KIZ: variants seen among roughly 807,000 people sequenced by gnomAD.
KIZ encodes centrosomal protein kizuna.
In KIZ, 68 loss-of-function variants were observed where a neutral mutation model predicts 79.6. That is an observed-to-expected ratio of 0.85 (90% CI 0.70 to 1.05). The LOEUF (loss-of-function observed/expected upper bound fraction) is 1.05. Among genes scored for constraint, KIZ ranks in the 50% least tolerant of loss-of-function variants. KIZ has a pLI of 0.00. For missense variants in KIZ, 797 were observed against 800.4 expected (o/e 1.00, Z 0.05); for synonymous variants, 280 against 281.8 (o/e 0.99, Z 0.06).
intron 6 of KIZ, among the ~76,000 whole-genome samples, chr20:21,165,673 A>T (rs569344448): frequency 2.0e-5 from 3 of 152,312 alleles, no homozygotes; most frequent in South Asian, 2.1e-4. Flanking sequence ...AGTGGGCAGG[A>T]CTGGGAGTCT....
chr20:21,191,877 C>T (rs1287190290), intron 6 of KIZ, among the ~76,000 whole-genome samples: 1 of 151,496 alleles, frequency 6.6e-6, no homozygotes. Flanking sequence ...CCAAACTCTA[C>T]CAGTGTAACA....
At chr20:21,215,470 G>C in intron 8 of KIZ, 113 bp from the exon 9 acceptor site, 1 of 513,564 alleles carries the variant, frequency 1.9e-6, no homozygotes, top group Non-Finnish European at 3.5e-6. Flanking sequence ...TTTCAGACAA[G>C]AAATACATTA....
At chr20:21,193,311 T>G (rs897837477) in intron 6 of KIZ, among the ~76,000 whole-genome samples, 1 of 152,208 alleles carries the variant, frequency 6.6e-6, no homozygotes, top group Admixed American at 6.5e-5. Flanking sequence ...GGCAGGAATA[T>G]GTAAAAGTTA....
chr20:21,178,186 A>G (rs1211757891), intron 6 of KIZ, among the ~76,000 whole-genome samples: 1 of 152,130 alleles, frequency 6.6e-6, no homozygotes, highest in Non-Finnish European at 1.5e-5. Context: ...CACTTTAACA[A>G]TATTAAATCT....
intron 7 of KIZ, among the ~76,000 whole-genome samples, chr20:21,206,513 A>G (rs2035834803): frequency 6.6e-6 from 1 of 152,162 alleles, no homozygotes; most frequent in Non-Finnish European, 1.5e-5. Flanking sequence ...CTATGAGCCA[A>G]AGAGCACACT....
At position 21,216,610 on chromosome 20, in the gene KIZ, A is replaced by G. The variant is rs16982599; in HGVS notation, c.1678+962A>G. On this transcript the variant is annotated intron_variant, in intron 9 of 12. Coordinates refer to ENST00000619189, the MANE Select transcript of KIZ (RefSeq NM_018474.6). ...TTTATTTTAAACATTTTCACCAATG[A>G]TATGTTTATTGTGTTTTTAGTCTGC... Among the ~76,000 whole-genome samples, 600 of 152,300 alleles carry G rather than the reference A, an allele frequency of 3.9e-3. 2 individuals carry two copies. The highest frequency in any genetic ancestry group is 0.014 in the African/African-American group (561 of 41,554).
In KIZ at chr20:21,195,104, T is replaced by G. The variant is rs543836457; in HGVS notation, c.1353-10387T>G. On this transcript the variant is annotated intron_variant, in intron 6 of 12. Transcript: ENST00000619189. ...TGGTGTCTCTTTTGTGCTAAAGAAT[T>G]CAGGGGTAAGAAAGATCCCTATGAG... 3.9e-5 allele frequency: 6 copies of G among 152,302 alleles called. No individual in the cohort carries two copies. In the South Asian group the frequency reaches 1.2e-3, roughly 32 times the overall value. 9.4% of individuals were successfully genotyped at this position (152,302 alleles called of 1,614,324 possible).
chr20:21,176,061 G>A (rs1043972727), intron 6 of KIZ, among the ~76,000 whole-genome samples: 5 of 152,080 alleles, frequency 3.3e-5, no homozygotes, highest in Admixed American at 3.3e-4. Flanking sequence ...TATAATCTCA[G>A]CACTTTGGGA....
rs192657194 is a variant in KIZ at position 21,126,567 on chromosome 20, C to T, written c.89+363C>T. On this transcript the variant is annotated intron_variant, in intron 1 of 12. Coordinates refer to ENST00000619189, the MANE Select transcript of KIZ (RefSeq NM_018474.6). ...TTTCTCTTGTCCCCTTTTACACGCC[C>T]CCTCCCCACTCTCTTCAAATTGCCA... Among the ~76,000 whole-genome samples, 221 of 152,286 alleles carry T rather than the reference C, an allele frequency of 1.5e-3. 2 individuals carry two copies. The East Asian group carries it at 0.035, about 24-fold the overall frequency.
intron 3 of KIZ, chr20:21,144,040 G>A (rs1490115241): frequency 6.6e-6 from 1 of 152,116 alleles, no homozygotes; most frequent in Non-Finnish European, 1.5e-5. Context: ...GACTTTTTCA[G>A]TTGCATTGAG....
intron 6 of KIZ, chr20:21,198,033 A>G (rs2035421556): frequency 6.6e-6 from 1 of 152,224 alleles, no homozygotes; most frequent in Non-Finnish European, 1.5e-5. Flanking sequence ...AAAAGATCAC[A>G]AAGTTGCAAT....
At chr20:21,196,509 G>T (rs1343374844) in intron 6 of KIZ, 1 of 152,244 alleles carries the variant, frequency 6.6e-6, no homozygotes, top group Non-Finnish European at 1.5e-5. Context: ...CCTCTTAAGG[G>T]CAGCTGTTAT....
chr20:21,157,381 C>A (rs959077749), intron 4 of KIZ, among the ~76,000 whole-genome samples: 1 of 152,080 alleles, frequency 6.6e-6, no homozygotes, highest in Non-Finnish European at 1.5e-5. Flanking sequence ...TTGTTGAGGA[C>A]CCAGAGTTCA....
At chr20:21,171,735 A>G (rs996605113) in intron 6 of KIZ, among the ~76,000 whole-genome samples, 2 of 152,208 alleles carry the variant, frequency 1.3e-5, no homozygotes, top group Non-Finnish European at 1.5e-5. Context: ...ATGAGCCACC[A>G]TGCCCGACCT....
chr20:21,174,207 C>T (rs1199530950), intron 6 of KIZ, among the ~76,000 whole-genome samples: 1 of 152,162 alleles, frequency 6.6e-6, no homozygotes, highest in Admixed American at 6.5e-5. Flanking sequence ...AAATCACAAC[C>T]AAAATGGTTG....
intron 11 of KIZ, among the ~76,000 whole-genome samples, chr20:21,243,917 C>A (rs1476551646): frequency 6.6e-6 from 1 of 152,166 alleles, no homozygotes; most frequent in Non-Finnish European, 1.5e-5. Context: ...TTGAGGGAAA[C>A]CGGTCCCCTG....
At chr20:21,147,493 T>C (rs190409461) in intron 4 of KIZ, among the ~76,000 whole-genome samples, 1 of 152,340 alleles carries the variant, frequency 6.6e-6, no homozygotes, top group African/African-American at 2.4e-5. Context: ...TATAGCTTAT[T>C]GTTTAGTGGA....
chr20:21,235,295 G>C (rs2036969211), intron 11 of KIZ, among the ~76,000 whole-genome samples: 1 of 152,196 alleles, frequency 6.6e-6, no homozygotes, highest in African/African-American at 2.4e-5. Flanking sequence ...CAGTGCATGA[G>C]CCGTAATAGA....
chr20:21,136,873 G>A (rs1315354395), intron 3 of KIZ, among the ~76,000 whole-genome samples: 9 of 152,108 alleles, frequency 5.9e-5, no homozygotes, highest in Admixed American at 5.9e-4. Flanking sequence ...TTCATAATTA[G>A]GATTAAGTAT....
Sources: gnomAD v4.1 joint callset for allele counts (sites outside exome capture counted in the v4.1 genomes callset) on GRCh38, gnomAD v4.1.1 for gene constraint, MANE v1.5 for transcripts, NCBI Gene and HGNC (gene_info 2026-07-23, HGNC 2026-07-21) for gene names.